Variants in FAM110B observed in about 807,000 individuals in gnomAD.
FAM110B encodes protein FAM110B.
Under a neutral mutation model 20.4 loss-of-function variants are expected in FAM110B, and 6 were observed. The ratio of observed to expected loss-of-function variants is 0.29; its 90% CI spans 0.16 to 0.58. FAM110B has a LOEUF of 0.58. FAM110B is among the 20% of genes least tolerant of loss of function. The pLI is 0.90. For missense variants in FAM110B, 434 were observed against 498.2 expected (o/e 0.87, Z 1.23); for synonymous variants, 226 against 214.1 (o/e 1.06, Z -0.49).
chr8:58,108,014 T>C (rs773493945), intron 3 of FAM110B, among the ~76,000 whole-genome samples: 4 of 152,186 alleles, frequency 2.6e-5, no homozygotes, highest in Admixed American at 6.5e-5. Flanking sequence ...TCCCAATCCA[T>C]TGTGTAGCAG....
intron 3 of FAM110B, among the ~76,000 whole-genome samples, chr8:58,084,227 T>G (rs1806273730): frequency 6.6e-6 from 1 of 152,164 alleles, no homozygotes. Flanking sequence ...ATGGATGGTG[T>G]ACACCTCGCT....
chr8:58,126,471 C>T (rs1807507124), intron 3 of FAM110B, among the ~76,000 whole-genome samples: 1 of 152,060 alleles, frequency 6.6e-6, no homozygotes, highest in African/African-American at 2.4e-5. Context: ...AGAAACTGCC[C>T]AGCTATTTAC....
intron 1 of FAM110B, among the ~76,000 whole-genome samples, chr8:58,015,246 A>G (rs1321538539): frequency 6.6e-6 from 1 of 151,996 alleles, no homozygotes; most frequent in East Asian, 1.9e-4. Flanking sequence ...TATCGCAGCT[A>G]CTCGGGAGGC....
At chr8:58,129,378 A>T (rs1807594243) in intron 3 of FAM110B, among the ~76,000 whole-genome samples, 1 of 152,248 alleles carries the variant, frequency 6.6e-6, no homozygotes, top group South Asian at 2.1e-4. Flanking sequence ...AAATAAGCTG[A>T]CACATTACAT....
chr8:58,076,281 G>C (rs188627173), intron 3 of FAM110B, among the ~76,000 whole-genome samples: 1 of 152,140 alleles, frequency 6.6e-6, no homozygotes, highest in Admixed American at 6.5e-5. Context: ...CTCTGTGCTC[G>C]GGGAATGAGA....
intron 3 of FAM110B, among the ~76,000 whole-genome samples, chr8:58,131,480 G>A (rs10098792): frequency 0.14 from 20,589 of 152,040 alleles, 1,979 homozygotes; most frequent in African/African-American, 0.26. Flanking sequence ...CTGCTTACCA[G>A]CCTCTAACTA....
chr8:58,053,880 A>T (rs1452186949), intron 2 of FAM110B, among the ~76,000 whole-genome samples: 1 of 152,240 alleles, frequency 6.6e-6, no homozygotes, highest in Non-Finnish European at 1.5e-5. Flanking sequence ...ATTAAATTTA[A>T]CGTAGGTTAC....
chr8:58,071,604 C>T (rs982088018), intron 2 of FAM110B, among the ~76,000 whole-genome samples: 13 of 152,174 alleles, frequency 8.5e-5, no homozygotes, highest in Admixed American at 7.2e-4. Context: ...ACTTACCAAC[C>T]GTGCCTCCCT....
At chr8:58,089,251 ACT>A (rs972967922) in intron 3 of FAM110B, among the ~76,000 whole-genome samples, 1 of 152,104 alleles carries the variant, frequency 6.6e-6, no homozygotes, top group Non-Finnish European at 1.5e-5. Flanking sequence ...GAAAATTAGC[ACT>A]CTCTATCAAC....
At chr8:58,099,505 C>T (rs546792128) in intron 3 of FAM110B, among the ~76,000 whole-genome samples, 5 of 152,234 alleles carry the variant, frequency 3.3e-5, no homozygotes, top group Admixed American at 3.3e-4. Context: ...TAAGTAATTT[C>T]AGTATATAAA....
intron 3 of FAM110B, chr8:58,113,376 A>C (rs1029811897): frequency 4.6e-6 from 1 of 216,480 alleles, no homozygotes; most frequent in African/African-American, 2.3e-5. Context: ...GCACCTGCTC[A>C]GTGTAGATGA....
At chr8:58,095,069 T>C (rs962973580) in intron 3 of FAM110B, among the ~76,000 whole-genome samples, 3 of 152,220 alleles carry the variant, frequency 2.0e-5, no homozygotes, top group Non-Finnish European at 4.4e-5. Context: ...GATGGTAGTT[T>C]GTATTTTTGT....
chr8:58,019,251 T>G (rs1012668943), intron 1 of FAM110B, among the ~76,000 whole-genome samples: 3 of 136,942 alleles, frequency 2.2e-5, no homozygotes, highest in African/African-American at 8.3e-5. Flanking sequence ...GACAGGAGAA[T>G]CTCTTGAACC....
intron 3 of FAM110B, among the ~76,000 whole-genome samples, chr8:58,086,422 T>A (rs942764066): frequency 2.6e-5 from 4 of 152,216 alleles, no homozygotes; most frequent in Admixed American, 1.3e-4. Flanking sequence ...TTATACATGT[T>A]TATAGTATCT....
chr8:57,997,904 G>A (rs1442362263), intron 1 of FAM110B, among the ~76,000 whole-genome samples: 2 of 152,166 alleles, frequency 1.3e-5, no homozygotes, highest in African/African-American at 4.8e-5. Context: ...TATAATACAA[G>A]TGAAGGGAAG....
At chr8:58,132,174 T>TA (rs1803489449) in intron 3 of FAM110B, among the ~76,000 whole-genome samples, 1 of 152,196 alleles carries the variant, frequency 6.6e-6, no homozygotes, top group Admixed American at 6.5e-5. Flanking sequence ...GCCTATTTTT[T>TA]ATATTTTATG....
In FAM110B at chr8:58,147,979, G is replaced by A. The variant is rs1440586045; in HGVS notation, c.*636G>A. Reference sequence around the variant, plus strand: ...AACGTTGGTGGTTCTATGTAATACTGACCCCAAGGAAAGACGATCAGATAC... The same window carrying A: ...AACGTTGGTGGTTCTATGTAATACTAACCCCAAGGAAAGACGATCAGATAC... On this transcript the variant is annotated 3_prime_UTR_variant, in exon 4 of 4. Coordinates refer to ENST00000519262, the MANE Select transcript of FAM110B (RefSeq NM_001377989.1). 1 of 167,068 alleles carries A rather than the reference G, an allele frequency of 6.0e-6. No homozygotes were observed. The highest frequency in any genetic ancestry group is 2.4e-5 in the African/African-American group (1 of 41,400). The allele number at this position is 167,068 out of a possible 1,614,324, so 10.3% of individuals were successfully genotyped here. A position where few individuals can be genotyped will look rare whatever the true frequency, so the allele number is the denominator to read the frequency against.
intron 1 of FAM110B, among the ~76,000 whole-genome samples, chr8:57,999,314 G>A (rs1804247945): frequency 6.6e-6 from 1 of 152,204 alleles, no homozygotes; most frequent in Non-Finnish European, 1.5e-5. Context: ...ATCAGGGCAA[G>A]ATCAATGGGT....
chr8:58,133,578 CT>C (rs1450572231), intron 3 of FAM110B, among the ~76,000 whole-genome samples: 1 of 152,126 alleles, frequency 6.6e-6, no homozygotes, highest in Non-Finnish European at 1.5e-5. Flanking sequence ...TTTGTTAACT[CT>C]TTTTTCAGCT....
Sources: allele counts gnomAD v4.1 joint callset (sites outside exome capture counted in the v4.1 genomes callset), GRCh38; gene constraint gnomAD v4.1.1; transcripts MANE v1.5; gene names NCBI Gene and HGNC (gene_info 2026-07-23, HGNC 2026-07-21).